FOXN3: variants seen among roughly 807,000 people sequenced by gnomAD.
The protein encoded by FOXN3 is forkhead box protein N3.
Under a neutral mutation model 38.4 loss-of-function variants are expected in FOXN3, and 7 were observed. The observed-to-expected ratio is 0.18, with a 90% confidence interval of 0.10 to 0.34. The LOEUF (loss-of-function observed/expected upper bound fraction) is 0.34. Among genes scored for constraint, FOXN3 ranks in the 10% least tolerant of loss-of-function variants. FOXN3 has a pLI of 1.00. For synonymous variants in FOXN3, 230 were observed against 242.2 expected, an observed-to-expected ratio of 0.95 and a Z score of 0.47; for missense variants, 456 against 613.4, an observed-to-expected ratio of 0.74 and a Z score of 2.71.
At chr14:89,396,103 T>G (rs1404083842) in intron 2 of FOXN3, among the ~76,000 whole-genome samples, 1 of 152,206 alleles carries the variant, frequency 6.6e-6, no homozygotes, top group African/African-American at 2.4e-5. Context: ...AAGGACATTC[T>G]GAGTAATCAA....
rs1002521340 is a variant in FOXN3 at position 89,163,924 on chromosome 14, A to G, written c.852-955T>C. ...ATTTCCCTATAACAAGGTCCCTGCT[A>G]CCCATGCCTATAAGGCGTCTGTAGC... On this transcript the variant is annotated intron_variant, in intron 5 of 5. Coordinates refer to ENST00000557258, the MANE Select transcript of FOXN3 (RefSeq NM_005197.4). This position sits in a 1 kb window ranked among gnomAD's most constrained non-coding sequence, Gnocchi z 4.3. 5.9e-5 allele frequency among the ~76,000 whole-genome samples: 9 copies of G among 152,184 alleles called. No homozygotes were observed. Among genetic ancestry groups the G allele is most frequent in the Admixed American group, 1.3e-4 (2 of 15,284 alleles).
At chr14:89,430,048 T>G (rs555426391) in intron 1 of FOXN3, among the ~76,000 whole-genome samples, 1 of 152,342 alleles carries the variant, frequency 6.6e-6, no homozygotes, top group East Asian at 1.9e-4. Context: ...TCTCTGAGTT[T>G]TTTTCCATTA....
chr14:89,612,521 T>C (rs776447346), intron 1 of FOXN3, among the ~76,000 whole-genome samples: 2 of 152,122 alleles, frequency 1.3e-5, no homozygotes, highest in African/African-American at 2.4e-5. Context: ...ACTGGCTGGG[T>C]GTGGTGGCTC....
At chr14:89,346,686 A>G (rs182206816) in intron 3 of FOXN3, among the ~76,000 whole-genome samples, 27 of 152,228 alleles carry the variant, frequency 1.8e-4, no homozygotes, top group Non-Finnish European at 2.8e-4. Flanking sequence ...TCCCTTTTCC[A>G]ACCTTTTCCA....
At chr14:89,287,857 C>G (rs950595525) in intron 3 of FOXN3, among the ~76,000 whole-genome samples, 1 of 151,212 alleles carries the variant, frequency 6.6e-6, no homozygotes, top group Non-Finnish European at 1.5e-5. Context: ...TTGAGACCAG[C>G]CTGGGAAACG....
chr14:89,321,331 A>C (rs1312434645), intron 3 of FOXN3, among the ~76,000 whole-genome samples: 1 of 152,088 alleles, frequency 6.6e-6, no homozygotes, highest in Non-Finnish European at 1.5e-5. Flanking sequence ...TAATCCCAGC[A>C]CTTTGGGAGG....
intron 3 of FOXN3, among the ~76,000 whole-genome samples, chr14:89,331,544 T>C (rs1209040239): frequency 6.6e-6 from 1 of 152,184 alleles, no homozygotes; most frequent in African/African-American, 2.4e-5. Flanking sequence ...GGACTGAGGA[T>C]GAAGAACAGA....
Position 89,568,404 on chromosome 14 carries a change from C to T in FOXN3, c.-15+50624G>A, listed in dbSNP as rs1047546506. Among the ~76,000 whole-genome samples the T allele has an allele frequency of 8.7e-4, 132 of 152,160 alleles. 2 individuals are homozygous for T. The highest frequency in any genetic ancestry group is 8.8e-5 in the Non-Finnish European group (6 of 68,020). On this transcript the variant is annotated intron_variant, in intron 1 of 6. Coordinates refer to the FOXN3 transcript ENST00000345097. ...AGAGCTAGAATAAACCTAACCTCCTCCCTGCCCCTGACCACCTCCCCGCAC... is the reference window on the plus strand; with the variant it reads ...AGAGCTAGAATAAACCTAACCTCCTTCCTGCCCCTGACCACCTCCCCGCAC...
At position 89,157,727 on chromosome 14, in the gene FOXN3, T is replaced by C. The variant is rs558407735; in HGVS notation, c.*4687A>G. 3.9e-5 allele frequency: 6 copies of C among 152,764 alleles called. No individual in the cohort carries two copies. The highest frequency in any genetic ancestry group is 2.1e-4 in the South Asian group (1 of 4,830). The allele number at this position is 152,764 out of a possible 1,614,324, so 9.5% of individuals were successfully genotyped here. On this transcript the variant is annotated 3_prime_UTR_variant, in exon 6 of 6. Transcript: ENST00000557258. ...TTAGGTTATATAGCAAAAGTGTTGATGTATATTATATATAGTAGTATAAAT... is the reference window on the plus strand; with the variant it reads ...TTAGGTTATATAGCAAAAGTGTTGACGTATATTATATATAGTAGTATAAAT...
At chr14:89,535,000 T>C (rs1172874338) in intron 1 of FOXN3, among the ~76,000 whole-genome samples, 1 of 152,236 alleles carries the variant, frequency 6.6e-6, no homozygotes, top group Non-Finnish European at 1.5e-5. Context: ...TTCCATTTAA[T>C]GAAGAATTTT....
At chr14:89,315,793 G>A (rs1404314178) in intron 3 of FOXN3, among the ~76,000 whole-genome samples, 3 of 152,154 alleles carry the variant, frequency 2.0e-5, no homozygotes, top group Non-Finnish European at 4.4e-5. Flanking sequence ...GGCTCCTGTG[G>A]GACTGAGTGC....
intron 3 of FOXN3, among the ~76,000 whole-genome samples, chr14:89,306,907 A>G (rs1283803947): frequency 3.3e-5 from 5 of 152,102 alleles, no homozygotes; most frequent in Non-Finnish European, 7.4e-5. Flanking sequence ...ATAACATTTT[A>G]TTGGGACACA....
At chr14:89,564,217 G>A (rs866701548) in intron 1 of FOXN3, among the ~76,000 whole-genome samples, 2 of 152,038 alleles carry the variant, frequency 1.3e-5, no homozygotes, top group African/African-American at 2.4e-5. Flanking sequence ...AAGGATCATT[G>A]TGATTACTAA....
At chr14:89,191,600 A>G (rs1248864565) in intron 4 of FOXN3, among the ~76,000 whole-genome samples, 1 of 152,174 alleles carries the variant, frequency 6.6e-6, no homozygotes, top group African/African-American at 2.4e-5. Context: ...TTTGGATATT[A>G]TGCTAGAAAA....
At chr14:89,258,961 T>C (rs1885713205) in intron 4 of FOXN3, among the ~76,000 whole-genome samples, 1 of 152,210 alleles carries the variant, frequency 6.6e-6, no homozygotes, top group South Asian at 2.1e-4. Context: ...TCACCAACTC[T>C]GTGTTTCCAG....
chr14:89,587,749 C>T lies in FOXN3; in HGVS notation c.-15+31279G>A, dbSNP rs187532183. On this transcript the variant is annotated intron_variant, in intron 1 of 6. Coordinates refer to the FOXN3 transcript ENST00000345097. Reference sequence around the variant, plus strand: ...AGGTGTGGTGGCATGTGCCTGTAATCCCAGCTTTCAGGAGGCTGAGGCAGG... The same window carrying T: ...AGGTGTGGTGGCATGTGCCTGTAATTCCAGCTTTCAGGAGGCTGAGGCAGG... Among the ~76,000 whole-genome samples the T allele has an allele frequency of 2.5e-3, 385 of 151,882 alleles. 5 individuals are homozygous for T. The Middle Eastern group carries it at 0.037, about 15-fold the overall frequency.
chr14:89,396,454 C>G (rs1263349059), intron 2 of FOXN3, among the ~76,000 whole-genome samples: 1 of 152,210 alleles, frequency 6.6e-6, no homozygotes, highest in East Asian at 1.9e-4. Flanking sequence ...GATCATCTTC[C>G]AGGATCCCAG....
chr14:89,334,006 A>ATATATATATATATG (rs1555418840), intron 3 of FOXN3, among the ~76,000 whole-genome samples: 1 of 49,398 alleles, frequency 2.0e-5, no homozygotes, highest in Admixed American at 3.1e-4. Flanking sequence ...ATATATATAT[A>ATATATATATATATG]TATGTATATA....
At chr14:89,480,184 T>C (rs920603646) in intron 1 of FOXN3, among the ~76,000 whole-genome samples, 2 of 152,104 alleles carry the variant, frequency 1.3e-5, no homozygotes, top group African/African-American at 4.8e-5. Flanking sequence ...GGGCGGATCA[T>C]GAGGTCAGCA....
Sources: allele counts gnomAD v4.1 joint callset (sites outside exome capture counted in the v4.1 genomes callset), GRCh38; gene constraint gnomAD v4.1.1; non-coding constraint Gnocchi (gnomAD v3.1); transcripts MANE v1.5; gene names NCBI Gene and HGNC (gene_info 2026-07-23, HGNC 2026-07-21).